The following CAMK2D variants were observed in gnomAD, a reference collection of about 807,000 sequenced individuals.
CAMK2D encodes the protein calcium/calmodulin-dependent protein kinase type II subunit delta.
A neutral mutation model predicts 84.0 loss-of-function variants in CAMK2D; 37 were observed. That is an observed-to-expected ratio of 0.44 (90% CI 0.34 to 0.58). The LOEUF is 0.58. Ranked by LOEUF, CAMK2D falls within the 20% of genes least tolerant of loss-of-function variation. CAMK2D has a pLI of 0.02. For missense variants in CAMK2D, 448 were observed against 652.5 expected, an observed-to-expected ratio of 0.69 and a Z score of 3.41; for synonymous variants, 202 against 212.5, an observed-to-expected ratio of 0.95 and a Z score of 0.43.
chr4:113,457,231 T>A (rs2097313801), intron 19 of CAMK2D, 104 bp downstream of exon 19: 1 of 1,489,144 alleles, frequency 6.7e-7, no homozygotes, highest in Non-Finnish European at 8.9e-7. Context: ...TGTAACCAAC[T>A]ACTAGCGTTA....
At chr4:113,618,623 T>C (rs183478237) in intron 3 of CAMK2D, among the ~76,000 whole-genome samples, 2 of 152,200 alleles carry the variant, frequency 1.3e-5, no homozygotes, top group Admixed American at 1.3e-4. Context: ...TACTATAATA[T>C]TATATTATCC....
chr4:113,560,422 G>A (rs1412209426), intron 4 of CAMK2D, among the ~76,000 whole-genome samples: 1 of 152,030 alleles, frequency 6.6e-6, no homozygotes, highest in Non-Finnish European at 1.5e-5. Context: ...CTAGTCTCGT[G>A]GAGAAAATAG....
At chr4:113,759,542 A>T in intron 1 of CAMK2D, 128 bp from the exon 2 acceptor site, 1 of 457,588 alleles carries the variant, frequency 2.2e-6, no homozygotes, top group Non-Finnish European at 3.8e-6. Context: ...CCAGTAAATG[A>T]ACAATTCTTC....
At chr4:113,651,137 G>A (rs1176065961) in intron 3 of CAMK2D, among the ~76,000 whole-genome samples, 4 of 152,156 alleles carry the variant, frequency 2.6e-5, no homozygotes, top group South Asian at 4.1e-4. Flanking sequence ...AAACGTGAAA[G>A]AATATTTTAA....
intron 4 of CAMK2D, among the ~76,000 whole-genome samples, chr4:113,560,113 A>G (rs1179873790): frequency 6.6e-6 from 1 of 151,668 alleles, no homozygotes; most frequent in Non-Finnish European, 1.5e-5. Flanking sequence ...AGATGCTTAC[A>G]AAGGAAGGGC....
At chr4:113,609,951 T>A (rs1376203296) in intron 3 of CAMK2D, among the ~76,000 whole-genome samples, 2 of 152,190 alleles carry the variant, frequency 1.3e-5, no homozygotes, top group Non-Finnish European at 2.9e-5. Flanking sequence ...CATGTAGAAC[T>A]ACAAACCGCT....
chr4:113,474,525 T>G (rs1198283283), intron 16 of CAMK2D, among the ~76,000 whole-genome samples: 5 of 107,796 alleles, frequency 4.6e-5, no homozygotes, highest in Non-Finnish European at 7.6e-5. Flanking sequence ...TTTTTTTTTT[T>G]GGTCATGAAA....
intron 3 of CAMK2D, among the ~76,000 whole-genome samples, chr4:113,635,062 T>C (rs986819012): frequency 6.6e-6 from 1 of 152,250 alleles, no homozygotes; most frequent in Non-Finnish European, 1.5e-5. Flanking sequence ...TCACTTGGTG[T>C]CATAGGCAAA....
intron 2 of CAMK2D, among the ~76,000 whole-genome samples, chr4:113,751,330 T>C (rs1250951227): frequency 6.6e-6 from 1 of 152,170 alleles, no homozygotes; most frequent in Non-Finnish European, 1.5e-5. Flanking sequence ...ATTTAAACAC[T>C]AATAGCATAA....
intron 3 of CAMK2D, among the ~76,000 whole-genome samples, chr4:113,657,236 A>G (rs763012851): frequency 4.7e-4 from 72 of 152,162 alleles, no homozygotes; most frequent in Middle Eastern, 3.2e-3. Flanking sequence ...TTTTGATAGT[A>G]GCCACCCGGT....
chr4:113,579,744 C>T (rs900574274), intron 4 of CAMK2D, among the ~76,000 whole-genome samples: 3 of 152,150 alleles, frequency 2.0e-5, no homozygotes, highest in Non-Finnish European at 4.4e-5. Context: ...AATTATCCGG[C>T]CTCAGATATT....
chr4:113,495,568 C>G (rs942072951), intron 16 of CAMK2D, among the ~76,000 whole-genome samples: 13 of 152,152 alleles, frequency 8.5e-5, no homozygotes, highest in African/African-American at 2.4e-4. Flanking sequence ...GCTCATTAAT[C>G]AAGTGATTCT....
intron 4 of CAMK2D, among the ~76,000 whole-genome samples, chr4:113,596,232 C>T (rs1486340184): frequency 1.3e-5 from 2 of 152,194 alleles, no homozygotes; most frequent in African/African-American, 2.4e-5. Flanking sequence ...CTGCAGATTA[C>T]ACTTCCAGTT....
At chr4:113,748,084 C>T (rs1328668996) in intron 2 of CAMK2D, among the ~76,000 whole-genome samples, 3 of 152,078 alleles carry the variant, frequency 2.0e-5, no homozygotes, top group African/African-American at 7.2e-5. Context: ...CAAACATCAG[C>T]TCCTCTAGGA....
At chr4:113,567,650 T>C (rs951410664) in intron 4 of CAMK2D, among the ~76,000 whole-genome samples, 1 of 152,236 alleles carries the variant, frequency 6.6e-6, no homozygotes, top group African/African-American at 2.4e-5. Context: ...ATGACAAGCA[T>C]GGAAGTTAGT....
At chr4:113,647,938 A>G (rs1167221018) in intron 3 of CAMK2D, among the ~76,000 whole-genome samples, 2 of 152,230 alleles carry the variant, frequency 1.3e-5, no homozygotes, top group African/African-American at 2.4e-5. Context: ...GAGAGTTCCT[A>G]ACAAATAAGC....
intron 2 of CAMK2D, chr4:113,754,842 C>A: frequency 1.0e-6 from 1 of 984,264 alleles, no homozygotes; most frequent in Non-Finnish European, 1.2e-6. Context: ...ATGACACATG[C>A]CACTTCTGGG....
chr4:113,482,013 C>G (rs1392255151), intron 16 of CAMK2D, among the ~76,000 whole-genome samples: 1 of 152,140 alleles, frequency 6.6e-6, no homozygotes, highest in Admixed American at 6.5e-5. Flanking sequence ...AGTCAGATGG[C>G]AAGGCAAGGC....
At chr4:113,479,778 C>T (rs571079219) in intron 16 of CAMK2D, among the ~76,000 whole-genome samples, 1 of 151,986 alleles carries the variant, frequency 6.6e-6, no homozygotes, top group Non-Finnish European at 1.5e-5. Context: ...TGTTTAAAAA[C>T]ACACACACAG....
Sources: allele counts gnomAD v4.1 joint callset (sites outside exome capture counted in the v4.1 genomes callset), GRCh38; gene constraint gnomAD v4.1.1; transcripts MANE v1.5; gene names NCBI Gene and HGNC (gene_info 2026-07-23, HGNC 2026-07-21).